The following IQGAP2 variants were observed in gnomAD, a reference collection of about 807,000 sequenced individuals.
The protein encoded by IQGAP2 is IQ motif containing GTPase activating protein 2.
Under a neutral mutation model 201.3 loss-of-function variants are expected in IQGAP2, and 173 were observed. The observed-to-expected ratio is 0.86, with a 90% CI of 0.76 to 0.98. The LOEUF (loss-of-function observed/expected upper bound fraction) is 0.98, where lower values mean the gene tolerates loss of function less well. IQGAP2 is among the 50% of genes least tolerant of loss of function. The pLI is 0.00. For missense variants in IQGAP2, 1,687 were observed against 1,864.8 expected, an observed-to-expected ratio of 0.90 and a Z score of 1.76; for synonymous variants, 675 against 673.9, an observed-to-expected ratio of 1.00 and a Z score of -0.03.
intron 2 of IQGAP2, among the ~76,000 whole-genome samples, chr5:76,560,670 C>T (rs1308663913): frequency 6.6e-6 from 1 of 152,182 alleles, no homozygotes; most frequent in Non-Finnish European, 1.5e-5. Flanking sequence ...TTATATCCTA[C>T]CATGTAGCAT....
intron 29 of IQGAP2, among the ~76,000 whole-genome samples, chr5:76,683,516 C>G (rs1745484872): frequency 6.6e-6 from 1 of 152,116 alleles, no homozygotes. Context: ...AAATTTATTA[C>G]AAAATGAAAA....
Position 76,420,178 on chromosome 5 carries a change from C to T in IQGAP2, c.46+16587C>T, listed in dbSNP as rs1580152405. 7.9e-5 allele frequency among the ~76,000 whole-genome samples: 12 copies of T among 152,178 alleles called. No homozygotes were observed. The South Asian group carries it at 2.5e-3, about 32-fold the overall frequency. ...ATGAATAGATATTTTTAAAAACCTCCCTAGGAGATTCCAATGTGCAGCCAA... is the reference window on the plus strand; with the variant it reads ...ATGAATAGATATTTTTAAAAACCTCTCTAGGAGATTCCAATGTGCAGCCAA... On this transcript the variant is annotated intron_variant, in intron 1 of 35. Transcript: ENST00000274364.
At chr5:76,524,823 G>T (rs1467121448) in intron 2 of IQGAP2, among the ~76,000 whole-genome samples, 1 of 152,182 alleles carries the variant, frequency 6.6e-6, no homozygotes, top group East Asian at 1.9e-4. Context: ...TGCAGTGTAA[G>T]ATTCGTTATT....
chr5:76,654,314 C>T (rs1365000479), intron 19 of IQGAP2, 43 bp downstream of exon 19: 15 of 1,241,000 alleles, frequency 1.2e-5, no homozygotes, highest in Non-Finnish European at 1.6e-5. Flanking sequence ...TTGATAATGA[C>T]CTAAATGAAT....
At chr5:76,407,169 T>C (rs796176316) in intron 1 of IQGAP2, among the ~76,000 whole-genome samples, 106 of 152,122 alleles carry the variant, frequency 7.0e-4, no homozygotes, top group African/African-American at 2.5e-3. Flanking sequence ...TTTGTAGAGA[T>C]GGGTTTTCAC....
At chr5:76,496,702 CTCTTTCTTTCTTTCTTTCTTTCTTT>C (rs1353685881) in intron 2 of IQGAP2, among the ~76,000 whole-genome samples, 5,476 of 81,020 alleles carry the variant, frequency 0.068, 556 homozygotes, top group South Asian at 0.1. Context: ...TTCTTTCTGT[CTCTTTCTTTCTTTCTTTCTTTCTTT>C]TCTTTCTTTC....
rs1205024630 is a variant in IQGAP2 at position 76,665,189 on chromosome 5, A to G, written c.2679+14A>G. Reference sequence around the variant, plus strand: ...TACCTTTTACAGGTGAGAACAATTTATCGTTCACTCTGAGTTTGGGAGTAA... The same window carrying G: ...TACCTTTTACAGGTGAGAACAATTTGTCGTTCACTCTGAGTTTGGGAGTAA... On this transcript the variant is annotated intron_variant, in intron 22 of 35. Coordinates refer to ENST00000274364, the MANE Select transcript of IQGAP2 (RefSeq NM_006633.5). 6.2e-7 allele frequency: 1 copy of G among 1,608,498 alleles called. No individual in the cohort carries two copies. Among genetic ancestry groups the G allele is most frequent in the Admixed American group, 1.7e-5 (1 of 59,234 alleles).
At chr5:76,578,689 T>C (rs752366729) in intron 5 of IQGAP2, among the ~76,000 whole-genome samples, 3 of 152,198 alleles carry the variant, frequency 2.0e-5, no homozygotes, top group Admixed American at 2.0e-4. Flanking sequence ...GTGGAAAAAA[T>C]TGGAAAATCC....
rs1447217025 is a variant in IQGAP2 at position 76,624,960 on chromosome 5, G to A, written c.1522-2450G>A. ...GTGGTGGCGGGCGCCTGTTATCCCA[G>A]CTACTTGGGAGGCTGAGGCAGGAGA... On this transcript the variant is annotated intron_variant, in intron 13 of 35. Transcript: ENST00000274364. 6.6e-5 allele frequency among the ~76,000 whole-genome samples: 10 copies of A among 152,316 alleles called. No individual in the cohort carries two copies. In the East Asian group the frequency reaches 1.9e-3, roughly 29 times the overall value.
chr5:76,408,691 T>C (rs959460134), intron 1 of IQGAP2, among the ~76,000 whole-genome samples: 8 of 152,106 alleles, frequency 5.3e-5, no homozygotes, highest in African/African-American at 1.9e-4. Context: ...TTCCAGGCTG[T>C]AGTGTGCAAT....
At chr5:76,686,766 C>T (rs1386752027) in intron 30 of IQGAP2, among the ~76,000 whole-genome samples, 1 of 152,172 alleles carries the variant, frequency 6.6e-6, no homozygotes, top group Non-Finnish European at 1.5e-5. Context: ...ACCTCAGCCT[C>T]CCAAAGTGCT....
chr5:76,414,062 T>C (rs1252962018), intron 1 of IQGAP2, among the ~76,000 whole-genome samples: 2 of 152,186 alleles, frequency 1.3e-5, no homozygotes, highest in Non-Finnish European at 2.9e-5. Flanking sequence ...GTTGAAGCCA[T>C]TAGGAATCGA....
chr5:76,667,640 T>C lies in IQGAP2; in HGVS notation c.2680-1041T>C, dbSNP rs1743898110. On this transcript the variant is annotated intron_variant, in intron 22 of 35. Coordinates refer to ENST00000274364, the MANE Select transcript of IQGAP2 (RefSeq NM_006633.5). ...CCATTTTAAGTTCTTTGTTGTTTTT[T>C]GCTCATGGTCTTCTGGCACTTCCCT... Among the ~76,000 whole-genome samples, 3 of 152,170 alleles carry C rather than the reference T, an allele frequency of 2.0e-5. No individual in the cohort carries two copies. The South Asian group carries it at 6.2e-4, about 32-fold the overall frequency.
At chr5:76,512,673 T>C (rs1381004846) in intron 2 of IQGAP2, among the ~76,000 whole-genome samples, 1 of 152,248 alleles carries the variant, frequency 6.6e-6, no homozygotes, top group African/African-American at 2.4e-5. Context: ...TTAGACAGTC[T>C]ATCAAATTAC....
intron 2 of IQGAP2, among the ~76,000 whole-genome samples, chr5:76,476,864 C>T (rs1413094778): frequency 6.6e-6 from 1 of 152,154 alleles, no homozygotes; most frequent in East Asian, 1.9e-4. Flanking sequence ...AATTTTATAT[C>T]ATGACCCAGG....
At position 76,665,278 on chromosome 5, in the gene IQGAP2, C is replaced by A. The variant is rs902799400; in HGVS notation, c.2679+103C>A. On this transcript the variant is annotated intron_variant, in intron 22 of 35. Coordinates refer to ENST00000274364, the MANE Select transcript of IQGAP2 (RefSeq NM_006633.5). ...GTCATGCTTCAGCTATAATAGCATA[C>A]ATGTTTTGAGCATCTACTAAGTACC... 10 of 985,444 alleles carry A rather than the reference C, an allele frequency of 1.0e-5. No homozygotes were observed. The East Asian group carries it at 2.2e-4, about 21-fold the overall frequency. 61.0% of individuals were successfully genotyped at this position (985,444 alleles called of 1,614,324 possible). A position where few individuals can be genotyped will look rare whatever the true frequency, so the allele number is the denominator to read the frequency against.
chr5:76,536,623 G>A (rs1460702873), intron 2 of IQGAP2, among the ~76,000 whole-genome samples: 1 of 151,856 alleles, frequency 6.6e-6, no homozygotes, highest in Non-Finnish European at 1.5e-5. Context: ...GCCAGGTGTG[G>A]TGGTGCACGC....
intron 28 of IQGAP2, among the ~76,000 whole-genome samples, chr5:76,677,715 C>T (rs1744941128): frequency 6.6e-6 from 1 of 152,068 alleles, no homozygotes; most frequent in Non-Finnish European, 1.5e-5. Context: ...ATCACTCAAG[C>T]CCACAAGTTT....
chr5:76,510,932 T>C (rs1005798137), intron 2 of IQGAP2, among the ~76,000 whole-genome samples: 1 of 152,214 alleles, frequency 6.6e-6, no homozygotes, highest in Non-Finnish European at 1.5e-5. Context: ...GGCCTTGGAC[T>C]CATGCTGAAC....
Sources: gnomAD v4.1 joint callset for allele counts (sites outside exome capture counted in the v4.1 genomes callset) on GRCh38, gnomAD v4.1.1 for gene constraint, MANE v1.5 for transcripts, NCBI Gene and HGNC (gene_info 2026-07-23, HGNC 2026-07-21) for gene names.